Variants in CPNE4 observed in about 807,000 individuals in gnomAD.
The protein encoded by CPNE4 is copine-4.
Under a neutral mutation model 67.9 loss-of-function variants are expected in CPNE4, and 25 were observed. The observed-to-expected ratio is 0.37, with a 90% CI of 0.27 to 0.51. The LOEUF is 0.51. CPNE4 is among the 20% of genes least tolerant of loss of function. CPNE4 has a pLI of 0.93. For missense variants in CPNE4, 464 were observed against 690.8 expected, an observed-to-expected ratio of 0.67 and a Z score of 3.68; for synonymous variants, 242 against 244.9, an observed-to-expected ratio of 0.99 and a Z score of 0.11.
At chr3:131,538,095 C>T (rs1167797809) in intron 15 of CPNE4, among the ~76,000 whole-genome samples, 1 of 152,160 alleles carries the variant, frequency 6.6e-6, no homozygotes, top group South Asian at 2.1e-4. Context: ...GGTTAAAAAC[C>T]ATTTATGTAA....
chr3:131,759,354 G>T (rs1376897136), intron 2 of CPNE4, among the ~76,000 whole-genome samples: 1 of 152,162 alleles, frequency 6.6e-6, no homozygotes, highest in Non-Finnish European at 1.5e-5. Context: ...ACTTTAGGAA[G>T]CTTGTCACTA....
At chr3:132,033,960 T>C (rs770852095) in intron 1 of CPNE4, among the ~76,000 whole-genome samples, 2 of 152,124 alleles carry the variant, frequency 1.3e-5, no homozygotes, top group Non-Finnish European at 2.9e-5. Context: ...CTTTATTCCA[T>C]AGAGGAAGAA....
chr3:131,946,101 T>C (rs1443721026), intron 1 of CPNE4, among the ~76,000 whole-genome samples: 1 of 152,220 alleles, frequency 6.6e-6, no homozygotes, highest in East Asian at 1.9e-4. Context: ...GTTATGCAAC[T>C]ACCACCTCTA....
chr3:131,682,156 G>A (rs1300959521), intron 6 of CPNE4, among the ~76,000 whole-genome samples: 1 of 152,028 alleles, frequency 6.6e-6, no homozygotes, highest in Non-Finnish European at 1.5e-5. Flanking sequence ...TTTGTTTGTT[G>A]AGGGCATGTT....
intron 1 of CPNE4, among the ~76,000 whole-genome samples, chr3:132,017,107 G>C (rs149044874): frequency 6.6e-6 from 1 of 152,184 alleles, no homozygotes; most frequent in African/African-American, 2.4e-5. Flanking sequence ...AGGTAGACCT[G>C]TTGTGAAGGA....
intron 3 of CPNE4, among the ~76,000 whole-genome samples, chr3:131,720,259 G>T (rs528683856): frequency 2.2e-4 from 33 of 147,368 alleles, no homozygotes; most frequent in East Asian, 2.0e-4. Context: ...GAGGATTAAT[G>T]TTCCCACCTT....
At position 131,650,314 on chromosome 3, in the gene CPNE4, C is replaced by T. The variant is rs115475845; in HGVS notation, c.681+19361G>A. On this transcript the variant is annotated intron_variant, in intron 7 of 15. Coordinates refer to ENST00000429747, the MANE Select transcript of CPNE4 (RefSeq NM_130808.3). ...CTTAGAGAGTTACAGATCCTGCCCA[C>T]GCTCAAGGAGAGGGAATTACACAAA... Among the ~76,000 whole-genome samples, 819 of 152,144 alleles carry T rather than the reference C, an allele frequency of 5.4e-3. 8 individuals are homozygous for T. Among genetic ancestry groups the T allele is most frequent in the African/African-American group, 0.019 (775 of 41,448 alleles).
At chr3:131,899,189 A>C (rs1317114142) in intron 2 of CPNE4, among the ~76,000 whole-genome samples, 1 of 152,086 alleles carries the variant, frequency 6.6e-6, no homozygotes, top group African/African-American at 2.4e-5. Context: ...AGTGTAGTCT[A>C]AACTCAAACG....
chr3:131,953,330 C>G (rs1437079666), intron 1 of CPNE4, among the ~76,000 whole-genome samples: 1 of 150,566 alleles, frequency 6.6e-6, no homozygotes, highest in Non-Finnish European at 1.5e-5. Flanking sequence ...TCAGTTTTTC[C>G]CCATTTAATA....
intron 11 of CPNE4, among the ~76,000 whole-genome samples, chr3:131,557,643 C>G (rs1385591272): frequency 6.6e-6 from 1 of 152,060 alleles, no homozygotes; most frequent in Non-Finnish European, 1.5e-5. Context: ...TTGCATCTAG[C>G]AGGTATTAGA....
In CPNE4 at chr3:131,880,412, C is replaced by A. The variant is rs146091787; in HGVS notation, c.180+24852G>T. 2.7e-3 allele frequency among the ~76,000 whole-genome samples: 408 copies of A among 152,246 alleles called. 3 individuals are homozygous for A. The highest frequency in any genetic ancestry group is 9.5e-3 in the African/African-American group (395 of 41,536). Reference sequence around the variant, plus strand: ...TACAGGCGTGAGCCACCACCCCCGGCGGCATATGGTAGATATTTAACAACT... The same window carrying A: ...TACAGGCGTGAGCCACCACCCCCGGAGGCATATGGTAGATATTTAACAACT... On this transcript the variant is annotated intron_variant, in intron 2 of 15. Transcript: ENST00000429747.
chr3:131,589,858 A>G (rs1396678868), intron 7 of CPNE4, among the ~76,000 whole-genome samples: 1 of 152,238 alleles, frequency 6.6e-6, no homozygotes, highest in Non-Finnish European at 1.5e-5. Flanking sequence ...AGATTAAGAC[A>G]AAAGGAGCTA....
intron 1 of CPNE4, among the ~76,000 whole-genome samples, chr3:131,978,894 A>T (rs1280012078): frequency 1.3e-5 from 2 of 151,670 alleles, no homozygotes; most frequent in African/African-American, 2.4e-5. Flanking sequence ...GATTGTCATT[A>T]TTGTTGTTCA....
chr3:132,006,866 G>A (rs1453136505), intron 1 of CPNE4, among the ~76,000 whole-genome samples: 3 of 152,118 alleles, frequency 2.0e-5, no homozygotes, highest in African/African-American at 7.2e-5. Context: ...ACCTGATACT[G>A]TATTATCTCA....
intron 2 of CPNE4, among the ~76,000 whole-genome samples, chr3:131,820,736 C>T (rs2084932521): frequency 6.6e-6 from 1 of 152,184 alleles, no homozygotes; most frequent in Non-Finnish European, 1.5e-5. Flanking sequence ...GAAACACACA[C>T]TCATCTCTTT....
intron 1 of CPNE4, among the ~76,000 whole-genome samples, chr3:131,986,163 T>C (rs569426764): frequency 1.5e-4 from 23 of 149,584 alleles, no homozygotes; most frequent in African/African-American, 5.6e-4. Context: ...TAAGCCCTTC[T>C]CCTTAGCAGT....
chr3:131,842,428 A>T (rs2107622001), intron 2 of CPNE4, among the ~76,000 whole-genome samples: 1 of 152,336 alleles, frequency 6.6e-6, no homozygotes, highest in African/African-American at 2.4e-5. Flanking sequence ...TGACTGCATG[A>T]GAACTGGACT....
chr3:131,933,042 TCAA>T (rs2071117573), intron 1 of CPNE4, among the ~76,000 whole-genome samples: 1 of 152,056 alleles, frequency 6.6e-6, no homozygotes, highest in Non-Finnish European at 1.5e-5. Context: ...AGTCTTCAGG[TCAA>T]CATGGCTGAC....
intron 7 of CPNE4, among the ~76,000 whole-genome samples, chr3:131,627,499 G>A (rs541542922): frequency 5.4e-5 from 8 of 147,428 alleles, no homozygotes; most frequent in African/African-American, 1.9e-4. Flanking sequence ...CATGGATCAA[G>A]GTGTAATTTT....
Sources: allele counts gnomAD v4.1 joint callset (sites outside exome capture counted in the v4.1 genomes callset), GRCh38; gene constraint gnomAD v4.1.1; transcripts MANE v1.5; gene names NCBI Gene and HGNC (gene_info 2026-07-23, HGNC 2026-07-21).